Variants in FAR2 observed in about 807,000 individuals in gnomAD.
FAR2 encodes the protein fatty acyl-CoA reductase 2, also known as epididymis secretory protein Li 81.
In FAR2, 19 loss-of-function variants were observed where a neutral mutation model predicts 56.0. That is an observed-to-expected ratio of 0.34 (90% CI 0.24 to 0.50). The LOEUF (loss-of-function observed/expected upper bound fraction) is 0.50. Among genes scored for constraint, FAR2 ranks in the 20% least tolerant of loss-of-function variants. FAR2 has a pLI of 0.98. For missense variants in FAR2, 508 were observed against 642.2 expected, an observed-to-expected ratio of 0.79 and a Z score of 2.26; for synonymous variants, 219 against 218.8, an observed-to-expected ratio of 1.00 and a Z score of -0.01.
At chr12:29,163,661 G>A (rs1949800899) in intron 1 of FAR2, among the ~76,000 whole-genome samples, 1 of 152,202 alleles carries the variant, frequency 6.6e-6, no homozygotes, top group African/African-American at 2.4e-5. Flanking sequence ...TCCATTCTTA[G>A]ATTTCCAGCT....
Position 29,333,938 on chromosome 12 carries a change from T to C in FAR2, c.*144T>C, listed in dbSNP as rs1408863308. ...TATGTATTCGTCCCTATTCCTTAAC[T>C]ATGTATTTTTATTTCAGTGAGAGAA... On this transcript the variant is annotated 3_prime_UTR_variant, in exon 12 of 12. Coordinates refer to ENST00000536681, the MANE Select transcript of FAR2 (RefSeq NM_001271783.2). 1.5e-6 allele frequency: 1 copy of C among 657,282 alleles called. No homozygotes were observed. Among genetic ancestry groups the C allele is most frequent in the Non-Finnish European group, 2.4e-6 (1 of 418,836 alleles). The allele number at this position is 657,282 out of a possible 1,614,324, so 40.7% of individuals were successfully genotyped here. A position where few individuals can be genotyped will look rare whatever the true frequency, so the allele number is the denominator to read the frequency against.
At chr12:29,324,785 C>T (rs1305489780) in intron 10 of FAR2, among the ~76,000 whole-genome samples, 7 of 152,222 alleles carry the variant, frequency 4.6e-5, no homozygotes. Context: ...ATACCAGCCA[C>T]TGCAAAAACA....
chr12:29,258,891 GA>G (rs1289909786), intron 1 of FAR2, among the ~76,000 whole-genome samples: 1 of 152,340 alleles, frequency 6.6e-6, no homozygotes, highest in South Asian at 2.1e-4. Context: ...AAAACTTGGT[GA>G]AAATGAAAAG....
At chr12:29,232,815 G>A (rs912862878) in intron 1 of FAR2, among the ~76,000 whole-genome samples, 32 of 133,040 alleles carry the variant, frequency 2.4e-4, no homozygotes, top group African/African-American at 1.0e-3. Flanking sequence ...ACACATACGC[G>A]CTCGCGCACA....
chr12:29,168,717 C>T (rs561510580), intron 1 of FAR2, among the ~76,000 whole-genome samples: 3 of 152,278 alleles, frequency 2.0e-5, no homozygotes, highest in Non-Finnish European at 2.9e-5. Flanking sequence ...CGTGGACGTT[C>T]GTGATGAGTG....
chr12:29,156,005 A>C (rs1428199683), intron 1 of FAR2, among the ~76,000 whole-genome samples: 1 of 152,156 alleles, frequency 6.6e-6, no homozygotes, highest in East Asian at 1.9e-4. Flanking sequence ...TCTCATTTTT[A>C]GGTGGAATCT....
At chr12:29,303,941 G>C (rs1949216315) in intron 4 of FAR2, among the ~76,000 whole-genome samples, 2 of 152,212 alleles carry the variant, frequency 1.3e-5, no homozygotes, top group Admixed American at 1.3e-4. Flanking sequence ...TCTGGCTCAT[G>C]TTTGAGCCTG....
chr12:29,170,792 C>G (rs1433799238), intron 1 of FAR2, among the ~76,000 whole-genome samples: 1 of 152,032 alleles, frequency 6.6e-6, no homozygotes, highest in Non-Finnish European at 1.5e-5. Flanking sequence ...TTCTCTCTTT[C>G]CTTTCTGCTG....
intron 1 of FAR2, among the ~76,000 whole-genome samples, chr12:29,256,962 G>C (rs1280190748): frequency 6.6e-6 from 1 of 152,144 alleles, no homozygotes; most frequent in Non-Finnish European, 1.5e-5. Flanking sequence ...CAGCCTCCTC[G>C]ACGAGCGCCA....
Position 29,333,781 on chromosome 12 carries a change from C to T in FAR2, c.1535C>T (p.Thr512Met), listed in dbSNP as rs775428447. 39 of 1,613,382 alleles carry T rather than the reference C, an allele frequency of 2.4e-5. No homozygotes were observed. Among genetic ancestry groups the T allele is most frequent in the South Asian group, 5.5e-5 (5 of 91,030 alleles). ...KFLSYFRASSTLKV is the reference protein window; with the variant it reads ...KFLSYFRASSMLKV ...CTCTCCTACTTTAGAGCATCCAGCA[C>T]GCTCAAAGTTTAAGAGCATTTAGCC... The change falls in exon 12 of 12, where the codon ACG becomes ATG. Residue 512 changes from threonine (T) to methionine (M), a missense_variant. Thr to Met is a moderately conservative substitution (Grantham distance 81, BLOSUM62 -1). Transcript: ENST00000536681.
chr12:29,194,745 C>G (rs1372277470), intron 1 of FAR2, among the ~76,000 whole-genome samples: 1 of 152,078 alleles, frequency 6.6e-6, no homozygotes, highest in Non-Finnish European at 1.5e-5. Context: ...TTCGAACTTA[C>G]TGCTGGTTAC....
At chr12:29,199,658 G>A (rs1947381751) in intron 1 of FAR2, among the ~76,000 whole-genome samples, 1 of 149,836 alleles carries the variant, frequency 6.7e-6, no homozygotes, top group South Asian at 2.1e-4. Flanking sequence ...ACTGGCAGCA[G>A]TGTGGAGGCA....
In FAR2 at chr12:29,311,155, G is replaced by A; in HGVS notation, c.887+9G>A. Reference sequence around the variant, plus strand: ...TATACTGCAGTTCACAGGTGTGGATGCTCAAGTGGGCTTTCAAAGACTTCA... The same window carrying A: ...TATACTGCAGTTCACAGGTGTGGATACTCAAGTGGGCTTTCAAAGACTTCA... On this transcript the variant is annotated intron_variant, in intron 7 of 11. Transcript: ENST00000536681. 6.3e-7 allele frequency: 1 copy of A among 1,584,470 alleles called. No individual in the cohort carries two copies. The highest frequency in any genetic ancestry group is 8.7e-7 in the Non-Finnish European group (1 of 1,153,454).
At chr12:29,239,490 CT>C (rs1170835134) in intron 1 of FAR2, among the ~76,000 whole-genome samples, 1 of 121,786 alleles carries the variant, frequency 8.2e-6, no homozygotes, top group African/African-American at 3.4e-5. Flanking sequence ...GTGTATAAAA[CT>C]TTGTGTCCTT....
intron 10 of FAR2, among the ~76,000 whole-genome samples, chr12:29,325,237 C>T (rs578050434): frequency 6.6e-6 from 1 of 152,252 alleles, no homozygotes; most frequent in South Asian, 2.1e-4. Context: ...CAGGAGCACC[C>T]AGATTCATAA....
At chr12:29,211,117 C>A (rs1162280218) in intron 1 of FAR2, among the ~76,000 whole-genome samples, 1 of 151,908 alleles carries the variant, frequency 6.6e-6, no homozygotes, top group African/African-American at 2.4e-5. Context: ...TGCTGAGTTG[C>A]ATTCTTCTTC....
rs1591980089 is a variant in FAR2 at position 29,333,355 on chromosome 12, A to G, written c.1386-277A>G. The G allele has an allele frequency of 2.8e-5, 10 of 358,346 alleles. No homozygotes were observed. In the East Asian group the frequency reaches 5.2e-4, roughly 19 times the overall value. 22.2% of individuals were successfully genotyped at this position (358,346 alleles called of 1,614,324 possible). On this transcript the variant is annotated intron_variant, in intron 11 of 11. Transcript: ENST00000536681. ...AGATTTATGATGTGGTAACATGACC[A>G]AAGTATATTTACAAGATTATGCTAG...
chr12:29,180,857 A>G (rs1453329536), intron 1 of FAR2, among the ~76,000 whole-genome samples: 1 of 152,084 alleles, frequency 6.6e-6, no homozygotes, highest in African/African-American at 2.4e-5. Context: ...CTGAGAAATC[A>G]TTTGGTTTTC....
intron 11 of FAR2, chr12:29,333,019 C>T (rs1949754451): frequency 2.3e-6 from 1 of 427,888 alleles, no homozygotes; most frequent in Non-Finnish European, 4.4e-6. Flanking sequence ...CAGATTTGAA[C>T]CCAAATTTGT....
Sources: allele counts gnomAD v4.1 joint callset (sites outside exome capture counted in the v4.1 genomes callset), GRCh38; gene constraint gnomAD v4.1.1; transcripts MANE v1.5; gene names NCBI Gene and HGNC (gene_info 2026-07-23, HGNC 2026-07-21).